The following SAMMSON variants were observed in gnomAD, a reference collection of about 807,000 sequenced individuals.
SAMMSON encodes long intergenic non-protein coding RNA 1212.
chr3:70,275,865 C>T (rs771328270), intron 6 of SAMMSON, among the ~76,000 whole-genome samples: 2 of 152,138 alleles, frequency 1.3e-5, no homozygotes, highest in Non-Finnish European at 2.9e-5. Context: ...CCATGTTGTA[C>T]CGTGTGTTTA....
At chr3:70,321,594 A>G (rs1036482656) in intron 7 of SAMMSON, among the ~76,000 whole-genome samples, 1 of 152,092 alleles carries the variant, frequency 6.6e-6, no homozygotes. Context: ...CGTATTTTCA[A>G]ATTAAAAATT....
intron 7 of SAMMSON, among the ~76,000 whole-genome samples, chr3:70,315,864 T>C (rs1056211803): frequency 6.6e-6 from 1 of 151,960 alleles, no homozygotes; most frequent in Non-Finnish European, 1.5e-5. Context: ...CTGATTAGAA[T>C]CCAAGAAGAG....
intron 6 of SAMMSON, among the ~76,000 whole-genome samples, chr3:70,249,858 C>T (rs764291137): frequency 2.0e-5 from 3 of 152,064 alleles, no homozygotes. Context: ...TGCTGAAATT[C>T]CTTTATTTGC....
At chr3:70,353,607 G>A (rs1307957111) in intron 7 of SAMMSON, among the ~76,000 whole-genome samples, 1 of 152,140 alleles carries the variant, frequency 6.6e-6, no homozygotes, top group African/African-American at 2.4e-5. Flanking sequence ...AACCAGATCA[G>A]CCATATGTTG....
intron 3 of SAMMSON, among the ~76,000 whole-genome samples, chr3:70,061,181 T>C (rs2067187035): frequency 6.6e-6 from 1 of 151,756 alleles, no homozygotes; most frequent in South Asian, 2.1e-4. Context: ...GAAGAGGGAT[T>C]TGGGGGAGAA....
chr3:70,425,285 T>G (rs1295062549), intron 2 of SAMMSON: 1 of 152,208 alleles, frequency 6.6e-6, no homozygotes, highest in Non-Finnish European at 1.5e-5. Flanking sequence ...TATTCTCTAT[T>G]AGGTGGAGCA....
At chr3:70,407,866 C>G (rs1194969935) in intron 2 of SAMMSON, among the ~76,000 whole-genome samples, 2 of 152,258 alleles carry the variant, frequency 1.3e-5, no homozygotes, top group Non-Finnish European at 2.9e-5. Flanking sequence ...CCCTTCTGCA[C>G]TGCCCTAGCA....
At chr3:70,365,302 A>AGTGTGTATATACACACACATATATATGT (rs903245416) in intron 9 of SAMMSON, among the ~76,000 whole-genome samples, 145 of 151,246 alleles carry the variant, frequency 9.6e-4, no homozygotes, top group Admixed American at 2.6e-3. Context: ...TTGCCATTGG[A>AGTGTGTATATACACACACATATATATGT]GTGTGTATAT....
chr3:70,199,207 G>T (rs1701210674), intron 4 of SAMMSON, among the ~76,000 whole-genome samples: 1 of 152,158 alleles, frequency 6.6e-6, no homozygotes. Context: ...TGACCTTAAG[G>T]ATTGGAGCTG....
intron 4 of SAMMSON, among the ~76,000 whole-genome samples, chr3:70,081,405 G>A (rs967047336): frequency 8.5e-5 from 13 of 152,192 alleles, no homozygotes; most frequent in South Asian, 2.1e-4. Context: ...GAGCCACCGC[G>A]CCCGGCCTCT....
chr3:70,433,389 C>T (rs193234075), intron 2 of SAMMSON, among the ~76,000 whole-genome samples: 7 of 152,222 alleles, frequency 4.6e-5, no homozygotes, highest in African/African-American at 1.7e-4. Flanking sequence ...TTTTGATTTG[C>T]AATTCCCTGA....
intron 7 of SAMMSON, among the ~76,000 whole-genome samples, chr3:70,340,997 G>A (rs1702707010): frequency 6.6e-6 from 1 of 152,074 alleles, no homozygotes; most frequent in Non-Finnish European, 1.5e-5. Context: ...GCATAATGCT[G>A]AAAACACCTG....
chr3:70,040,671 C>T (rs1161989181), intron 3 of SAMMSON, among the ~76,000 whole-genome samples: 2 of 152,082 alleles, frequency 1.3e-5, no homozygotes, highest in East Asian at 3.9e-4. Flanking sequence ...TCTAGGATGC[C>T]AGGTGGGAGG....
chr3:70,226,374 G>A (rs897436749), intron 4 of SAMMSON, among the ~76,000 whole-genome samples: 2 of 152,092 alleles, frequency 1.3e-5, no homozygotes, highest in Admixed American at 6.6e-5. Flanking sequence ...CAAAGCCCAG[G>A]AATTTCCTAT....
rs1020363945 is a variant in SAMMSON at position 70,409,919 on chromosome 3, A to G, written n.233+51595A>G. On this transcript the variant is annotated intron_variant and non_coding_transcript_variant, in intron 2 of 3. Transcript: ENST00000641053. ...TGAGGTTTGGGGTATGACTGATCCC[A>G]TCATCCAGGTAGTGAGCATAATACC... Among the ~76,000 whole-genome samples the G allele has an allele frequency of 8.5e-5, 13 of 152,178 alleles. No homozygotes were observed. The East Asian group carries it at 9.6e-4, about 11-fold the overall frequency.
intron 6 of SAMMSON, among the ~76,000 whole-genome samples, chr3:70,273,075 C>T (rs1186649820): frequency 6.6e-6 from 1 of 152,152 alleles, no homozygotes; most frequent in African/African-American, 2.4e-5. Flanking sequence ...GAAGTTCAGC[C>T]AGTGACCCAA....
chr3:70,392,779 A>G (rs1367803478), downstream of SAMMSON, among the ~76,000 whole-genome samples: 1 of 152,090 alleles, frequency 6.6e-6, no homozygotes, highest in African/African-American at 2.4e-5. Context: ...AATGGGATAA[A>G]ACTTGTGATA....
At chr3:70,236,570 G>C (rs1414461789) in intron 4 of SAMMSON, among the ~76,000 whole-genome samples, 1 of 152,020 alleles carries the variant, frequency 6.6e-6, no homozygotes, top group Non-Finnish European at 1.5e-5. Context: ...TCCTTTTGGG[G>C]CCTGTAAATT....
At chr3:70,078,956 A>C (rs566119796) in intron 4 of SAMMSON, among the ~76,000 whole-genome samples, 1 of 152,194 alleles carries the variant, frequency 6.6e-6, no homozygotes, top group African/African-American at 2.4e-5. Flanking sequence ...AATCTGACCC[A>C]CTGCCTGTTT....
Sources: allele counts gnomAD v4.1 joint callset (sites outside exome capture counted in the v4.1 genomes callset), GRCh38; gene constraint gnomAD v4.1.1; transcripts MANE v1.5; gene names NCBI Gene and HGNC (gene_info 2026-07-23, HGNC 2026-07-21).